Variants in DPRX observed in about 807,000 individuals in gnomAD.
DPRX encodes the protein divergent-paired related homeobox.
Under a neutral mutation model 8.4 loss-of-function variants are expected in DPRX, and 11 were observed. That is an observed-to-expected ratio of 1.31 (90% CI 0.82 to 2.17). The LOEUF is 2.17. Ranked by LOEUF, DPRX falls within the 30% of genes most tolerant of loss-of-function variation. DPRX has a pLI of 0.00. For synonymous variants in DPRX, 72 were observed against 87.0 expected, an observed-to-expected ratio of 0.83 and a Z score of 0.96; for missense variants, 211 against 236.7, an observed-to-expected ratio of 0.89 and a Z score of 0.71.
the DPRX span, among the ~76,000 whole-genome samples, chr19:53,626,489 GGC>G: frequency 6.6e-6 from 1 of 152,188 alleles, no homozygotes; most frequent in African/African-American, 2.4e-5. Context: ...AGGAGGTCAA[GGC>G]TGCAGTGAGC....
the DPRX span, among the ~76,000 whole-genome samples, chr19:53,617,800 T>C: frequency 3.9e-5 from 6 of 152,132 alleles, no homozygotes; most frequent in African/African-American, 1.4e-4. Context: ...CACATTGCTA[T>C]ACCAATGATG....
intron 2 of DPRX, 93 bp downstream of exon 2, chr19:53,634,778 A>G (rs2091106063): frequency 2.7e-6 from 4 of 1,469,176 alleles, no homozygotes; most frequent in Non-Finnish European, 2.7e-6. Flanking sequence ...TCTCATTCCA[A>G]TCGCCAATAT....
At chr19:53,611,622 A>T in the DPRX span, among the ~76,000 whole-genome samples, 1 of 152,306 alleles carries the variant, frequency 6.6e-6, no homozygotes, top group African/African-American at 2.4e-5. Context: ...TTTTAAAAAA[A>T]ACATTGACAA....
At chr19:53,615,082 C>A in the DPRX span, among the ~76,000 whole-genome samples, 1 of 151,628 alleles carries the variant, frequency 6.6e-6, no homozygotes, top group Admixed American at 6.6e-5. Context: ...ACGGATTCTT[C>A]CTCTGTCACC....
chr19:53,615,663 T>C, the DPRX span, among the ~76,000 whole-genome samples: 1 of 152,168 alleles, frequency 6.6e-6, no homozygotes, highest in Admixed American at 6.6e-5. Context: ...TTTCCTAGTT[T>C]CTTCTGATTA....
At chr19:53,615,059 AT>A in the DPRX span, among the ~76,000 whole-genome samples, 8 of 148,974 alleles carry the variant, frequency 5.4e-5, no homozygotes, top group East Asian at 2.0e-4. Flanking sequence ...GATCTATCTA[AT>A]TTTTTTTTTA....
the DPRX span, among the ~76,000 whole-genome samples, chr19:53,609,487 A>C: frequency 3.3e-5 from 5 of 150,260 alleles, no homozygotes; most frequent in East Asian, 3.9e-4. Context: ...AAAAAAAAAA[A>C]AAAAAAAAAA....
the DPRX span, among the ~76,000 whole-genome samples, chr19:53,605,492 T>A: frequency 6.6e-6 from 1 of 151,692 alleles, no homozygotes; most frequent in Non-Finnish European, 1.5e-5. Flanking sequence ...TTGTTAAAAA[T>A]TTTTTTGCAG....
At chr19:53,612,552 C>T in the DPRX span, among the ~76,000 whole-genome samples, 1 of 151,688 alleles carries the variant, frequency 6.6e-6, no homozygotes, top group Non-Finnish European at 1.5e-5. Flanking sequence ...ATGAAAAATA[C>T]AAAAATTAGC....
the DPRX span, among the ~76,000 whole-genome samples, chr19:53,609,214 T>A: frequency 1.3e-5 from 2 of 151,516 alleles, no homozygotes; most frequent in African/African-American, 2.4e-5. Flanking sequence ...ACACCTGTAA[T>A]CCCAGCACTT....
chr19:53,627,736 G>A (rs2091076890), upstream of DPRX, among the ~76,000 whole-genome samples: 1 of 147,776 alleles, frequency 6.8e-6, no homozygotes, highest in Admixed American at 6.7e-5. Flanking sequence ...ACCGTGCCCA[G>A]CCAAGATGTT....
chr19:53,630,587 C>T (rs2091088846), upstream of DPRX, among the ~76,000 whole-genome samples: 1 of 151,670 alleles, frequency 6.6e-6, no homozygotes, highest in Non-Finnish European at 1.5e-5. Flanking sequence ...CACTTGAGCC[C>T]AGTAGGTCGA....
chr19:53,602,683 T>C, the DPRX span, among the ~76,000 whole-genome samples: 3 of 151,816 alleles, frequency 2.0e-5, no homozygotes, highest in African/African-American at 7.3e-5. Flanking sequence ...TACAGGCGTC[T>C]GCCACCGTGC....
chr19:53,603,965 C>G, the DPRX span, among the ~76,000 whole-genome samples: 1 of 151,998 alleles, frequency 6.6e-6, no homozygotes, highest in Admixed American at 6.6e-5. Context: ...AGGCTGGTCT[C>G]AAACTCCTGA....
chr19:53,617,729 A>T, the DPRX span, among the ~76,000 whole-genome samples: 1 of 152,174 alleles, frequency 6.6e-6, no homozygotes, highest in Non-Finnish European at 1.5e-5. Context: ...TGAAGCTTGG[A>T]CTAGAATTTC....
At chr19:53,617,559 A>AT in the DPRX span, among the ~76,000 whole-genome samples, 3 of 101,230 alleles carry the variant, frequency 3.0e-5, no homozygotes, top group African/African-American at 1.1e-4. Flanking sequence ...TCTCCGTCTC[A>AT]CCAAAAAAAA....
the DPRX span, among the ~76,000 whole-genome samples, chr19:53,620,420 T>C: frequency 6.6e-6 from 1 of 151,656 alleles, no homozygotes; most frequent in African/African-American, 2.4e-5. Context: ...TGGAGTGCAG[T>C]GGTGTGATCT....
At chr19:53,624,079 CTTTTTTT>C in the DPRX span, among the ~76,000 whole-genome samples, 4 of 93,286 alleles carry the variant, frequency 4.3e-5, no homozygotes, top group Non-Finnish European at 8.3e-5. Flanking sequence ...ATTGTTGTAC[CTTTTTTT>C]TTTTTTTTTT....
chr19:53,635,506 G>A (rs903966286), intron 2 of DPRX, among the ~76,000 whole-genome samples: 2 of 151,774 alleles, frequency 1.3e-5, no homozygotes, highest in African/African-American at 2.4e-5. Context: ...ACAGCCTCCC[G>A]AGCAGCTGAT....
Sources: allele counts gnomAD v4.1 joint callset (sites outside exome capture counted in the v4.1 genomes callset), GRCh38; gene constraint gnomAD v4.1.1; transcripts MANE v1.5; gene names NCBI Gene and HGNC (gene_info 2026-07-23, HGNC 2026-07-21).